WDR82: variants seen among roughly 807,000 people sequenced by gnomAD.
The protein encoded by WDR82 is WD repeat-containing protein 82.
WDR82 carries 8 observed loss-of-function variants against 36.1 expected under a neutral mutation model. The observed-to-expected ratio is 0.22, with a 90% CI of 0.13 to 0.40. The LOEUF (loss-of-function observed/expected upper bound fraction) is 0.40, where lower values mean the gene tolerates loss of function less well. WDR82 is among the 10% of genes least tolerant of loss of function. WDR82 has a pLI of 1.00. For missense variants in WDR82, 185 were observed against 400.5 expected, an observed-to-expected ratio of 0.46 and a Z score of 4.59; for synonymous variants, 129 against 137.8, an observed-to-expected ratio of 0.94 and a Z score of 0.45.
chr3:52,266,189 T>C (rs1700104560), intron 3 of WDR82, among the ~76,000 whole-genome samples: 1 of 152,058 alleles, frequency 6.6e-6, no homozygotes, highest in Non-Finnish European at 1.5e-5. Flanking sequence ...GATCTTTAAA[T>C]GGAACATTTT....
chr3:52,270,636 G>C, intron 2 of WDR82, 76 bp downstream of exon 2: 2 of 1,099,850 alleles, frequency 1.8e-6, no homozygotes, highest in Admixed American at 4.5e-5. Context: ...TCACAAAGCA[G>C]AAGTAGTCAC....
chr3:52,278,434 G>T lies in WDR82; in HGVS notation c.-73C>A. 8.4e-7 allele frequency: 1 copy of T among 1,185,480 alleles called. No individual in the cohort carries two copies. Among genetic ancestry groups the T allele is most frequent in the Non-Finnish European group, 1.0e-6 (1 of 957,372 alleles). 73.4% of individuals were successfully genotyped at this position (1,185,480 alleles called of 1,614,324 possible). A position where few individuals can be genotyped will look rare whatever the true frequency, so the allele number is the denominator to read the frequency against. On this transcript the variant is annotated 5_prime_UTR_variant, in exon 1 of 9. Transcript: ENST00000296490. ...CGGCGGCGAGCGGGCGGGCTGCCGAGGGGCCAACCCAGGCGGGGCGGGCGC... is the reference window on the plus strand; with the variant it reads ...CGGCGGCGAGCGGGCGGGCTGCCGATGGGCCAACCCAGGCGGGGCGGGCGC...
chr3:52,271,877 T>C (rs1048603122), intron 1 of WDR82, among the ~76,000 whole-genome samples: 2 of 152,150 alleles, frequency 1.3e-5, no homozygotes, highest in Non-Finnish European at 2.9e-5. Flanking sequence ...GCAAATCACC[T>C]GTAGTCAGAA....
intron 8 of WDR82, among the ~76,000 whole-genome samples, chr3:52,258,092 A>AT (rs1219671990): frequency 1.3e-5 from 2 of 152,148 alleles, no homozygotes; most frequent in African/African-American, 4.8e-5. Context: ...CTAGGAAGAG[A>AT]TAAGGGCCTG....
chr3:52,257,410 C>G lies in WDR82; in HGVS notation c.*80G>C. 6.3e-7 allele frequency: 1 copy of G among 1,588,244 alleles called. No individual in the cohort carries two copies. The stretch of plus-strand genomic sequence containing the variant: ...CTCCAGCCCAGTCAAATGATCCAAT[C>G]CCACTATTATCTCAGTTCCCTCTGA... On this transcript the variant is annotated 3_prime_UTR_variant, in exon 9 of 9. Coordinates refer to ENST00000296490, the MANE Select transcript of WDR82 (RefSeq NM_025222.4).
intron 1 of WDR82, among the ~76,000 whole-genome samples, chr3:52,272,327 T>C (rs1700161503): frequency 1.3e-5 from 2 of 152,108 alleles, no homozygotes; most frequent in South Asian, 4.1e-4. Flanking sequence ...GTGGATTGCC[T>C]GAGGTCAGGA....
chr3:52,268,607 T>C (rs1469278906), intron 2 of WDR82, among the ~76,000 whole-genome samples: 1 of 152,116 alleles, frequency 6.6e-6, no homozygotes, highest in East Asian at 1.9e-4. Context: ...GGTTTTACAT[T>C]CTTTTCCAAA....
At position 52,265,810 on chromosome 3, in the gene WDR82, A is replaced by G. The variant is rs116787139; in HGVS notation, c.326+1142T>C. On this transcript the variant is annotated intron_variant, in intron 3 of 8. Coordinates refer to ENST00000296490, the MANE Select transcript of WDR82 (RefSeq NM_025222.4). ...AGCCTGGTTTTGAACTCCTGCACTC[A>G]AGCAATCTGTCCTCCTCAGCCTTCC... Among the ~76,000 whole-genome samples, 1,258 of 152,190 alleles carry G rather than the reference A, an allele frequency of 8.3e-3. 9 individuals are homozygous for G. The highest frequency in any genetic ancestry group is 0.027 in the Middle Eastern group (8 of 294).
intron 3 of WDR82, among the ~76,000 whole-genome samples, 196 bp downstream of exon 3, chr3:52,266,755 AG>A (rs1700110135): frequency 6.6e-6 from 1 of 152,120 alleles, no homozygotes; most frequent in South Asian, 2.1e-4. Context: ...ATTTTAACTG[AG>A]GTATCTCTGA....
At chr3:52,264,740 A>G (rs571919410) in intron 3 of WDR82, among the ~76,000 whole-genome samples, 1 of 152,142 alleles carries the variant, frequency 6.6e-6, no homozygotes, top group Non-Finnish European at 1.5e-5. Flanking sequence ...AGCTTTCTCA[A>G]GGAAAGGATT....
At chr3:52,267,853 A>C (rs1269123125) in intron 2 of WDR82, 1 of 154,780 alleles carries the variant, frequency 6.5e-6, no homozygotes, top group Non-Finnish European at 1.4e-5. Flanking sequence ...CCCCTTAAAA[A>C]GACTAGGAAT....
chr3:52,272,364 C>T (rs1027549894), intron 1 of WDR82, among the ~76,000 whole-genome samples: 4 of 151,486 alleles, frequency 2.6e-5, no homozygotes, highest in Admixed American at 6.6e-5. Context: ...GCCAACATGG[C>T]GAAACGCTAT....
chr3:52,261,952 CAT>C (rs1267797954), intron 3 of WDR82, among the ~76,000 whole-genome samples: 2 of 152,200 alleles, frequency 1.3e-5, no homozygotes, highest in Non-Finnish European at 2.9e-5. Flanking sequence ...AAAATGTACA[CAT>C]ATGTTCAGAT....
chr3:52,270,612 TTAAAC>T (rs1429073164), intron 2 of WDR82, 95 bp downstream of exon 2: 20 of 889,640 alleles, frequency 2.2e-5, no homozygotes, highest in Non-Finnish European at 2.9e-5. Context: ...ATGAAAATAC[TTAAAC>T]TAAAGTAGTC....
chr3:52,274,582 A>AAAAAC (rs755336803), intron 1 of WDR82, among the ~76,000 whole-genome samples: 25 of 151,886 alleles, frequency 1.6e-4, no homozygotes, highest in African/African-American at 5.6e-4. Flanking sequence ...AAACAAACAA[A>AAAAAC]AAAACAAAAC....
intron 1 of WDR82, 46 bp downstream of exon 1, chr3:52,278,155 G>A: frequency 6.6e-7 from 1 of 1,519,394 alleles, no homozygotes; most frequent in Admixed American, 2.0e-5. Context: ...CTGGGCCACC[G>A]GAGGGAGGCA....
chr3:52,268,504 A>G, intron 2 of WDR82: 1 of 317,660 alleles, frequency 3.1e-6, no homozygotes, highest in Admixed American at 3.8e-5. Flanking sequence ...ACATTTGGAG[A>G]ATCCTCATTT....
At chr3:52,259,137 A>T in intron 7 of WDR82, 60 bp downstream of exon 7, 1 of 1,454,546 alleles carries the variant, frequency 6.9e-7, no homozygotes, top group South Asian at 1.2e-5. Context: ...TTAATAATTT[A>T]AACAAAGAAA....
At chr3:52,260,541 G>T in intron 4 of WDR82, 40 bp from the exon 5 acceptor site, 2 of 1,405,740 alleles carry the variant, frequency 1.4e-6, no homozygotes, top group Non-Finnish European at 1.9e-6. Context: ...AAACACACAT[G>T]CCACAACCAT....
Sources: gnomAD v4.1 joint callset for allele counts (sites outside exome capture counted in the v4.1 genomes callset) on GRCh38, gnomAD v4.1.1 for gene constraint, MANE v1.5 for transcripts, NCBI Gene and HGNC (gene_info 2026-07-23, HGNC 2026-07-21) for gene names.